Variants in LMX1A observed in about 807,000 individuals in gnomAD.
LMX1A encodes the protein LIM homeobox transcription factor 1-alpha.
In LMX1A, 15 loss-of-function variants were observed where a neutral mutation model predicts 49.1. The observed-to-expected ratio is 0.31, with a 90% CI of 0.20 to 0.47. The LOEUF is 0.47. LMX1A is among the 20% of genes least tolerant of loss of function. LMX1A has a pLI of 1.00. For missense variants in LMX1A, 372 were observed against 475.8 expected (o/e 0.78, Z 2.03); for synonymous variants, 167 against 185.7 (o/e 0.90, Z 0.82).
At chr1:165,343,973 T>C (rs1390874727) in intron 3 of LMX1A, among the ~76,000 whole-genome samples, 1 of 152,208 alleles carries the variant, frequency 6.6e-6, no homozygotes, top group African/African-American at 2.4e-5. Flanking sequence ...TTCTCCCAAT[T>C]TGACAGCTAG....
chr1:165,295,765 C>T (rs1654598115), intron 3 of LMX1A, among the ~76,000 whole-genome samples: 1 of 152,044 alleles, frequency 6.6e-6, no homozygotes, highest in Admixed American at 6.6e-5. Flanking sequence ...GAGGATTCCC[C>T]CAACTGGCAG....
At chr1:165,217,131 A>T (rs995962706) in intron 4 of LMX1A, among the ~76,000 whole-genome samples, 2 of 152,330 alleles carry the variant, frequency 1.3e-5, no homozygotes, top group Middle Eastern at 3.4e-3. Flanking sequence ...CTCTTTGCAG[A>T]TATGACCCTA....
intron 3 of LMX1A, among the ~76,000 whole-genome samples, chr1:165,284,459 G>A (rs1365711044): frequency 2.6e-5 from 4 of 152,166 alleles, no homozygotes; most frequent in African/African-American, 7.2e-5. Context: ...AACACTGAAC[G>A]CTCATTCTGG....
intron 3 of LMX1A, among the ~76,000 whole-genome samples, chr1:165,302,658 C>T (rs1237969029): frequency 6.6e-6 from 1 of 152,158 alleles, no homozygotes; most frequent in Non-Finnish European, 1.5e-5. Context: ...TTTTACTTCA[C>T]CTGGCCATAA....
chr1:165,284,212 C>G (rs1654237725), intron 3 of LMX1A, among the ~76,000 whole-genome samples: 1 of 152,176 alleles, frequency 6.6e-6, no homozygotes, highest in Non-Finnish European at 1.5e-5. Flanking sequence ...ACAGGGCTGT[C>G]TTGAGGAACA....
chr1:165,285,961 G>C (rs1231485039), intron 3 of LMX1A, among the ~76,000 whole-genome samples: 1 of 152,036 alleles, frequency 6.6e-6, no homozygotes, highest in African/African-American at 2.4e-5. Context: ...ATTTTGGCCA[G>C]TAAAGAAAAG....
At chr1:165,312,745 C>T (rs144582286) in intron 3 of LMX1A, among the ~76,000 whole-genome samples, 1 of 152,360 alleles carries the variant, frequency 6.6e-6, no homozygotes, top group African/African-American at 2.4e-5. Context: ...TCCTCCATCC[C>T]CAGCTGGTCC....
intron 3 of LMX1A, among the ~76,000 whole-genome samples, chr1:165,281,259 T>C (rs2101705978): frequency 6.6e-6 from 1 of 152,304 alleles, no homozygotes; most frequent in South Asian, 2.1e-4. Flanking sequence ...TTTCCAGGAC[T>C]ACTTAGTTCT....
chr1:165,235,841 G>T lies in LMX1A; in HGVS notation c.496+13567C>A, dbSNP rs4657418. 5.2e-3 allele frequency among the ~76,000 whole-genome samples: 797 copies of T among 152,186 alleles called. 12 individuals carry two copies. Among genetic ancestry groups the T allele is most frequent in the African/African-American group, 0.018 (766 of 41,522 alleles). On this transcript the variant is annotated intron_variant, in intron 4 of 8. Transcript: ENST00000342310. The stretch of plus-strand genomic sequence containing the variant: ...GAAGTGACGGCTTTGGAGATTATGG[G>T]GAACATATGGCCCTACCGCCGGGCT...
At chr1:165,299,356 T>C (rs1654709342) in intron 3 of LMX1A, among the ~76,000 whole-genome samples, 1 of 152,352 alleles carries the variant, frequency 6.6e-6, no homozygotes, top group African/African-American at 2.4e-5. Context: ...GATGGCTGTT[T>C]GGGGATCAGG....
At chr1:165,289,286 T>G (rs1222969004) in intron 3 of LMX1A, among the ~76,000 whole-genome samples, 1 of 151,848 alleles carries the variant, frequency 6.6e-6, no homozygotes, top group African/African-American at 2.4e-5. Flanking sequence ...TGCCTGGATA[T>G]TCACACAAGC....
intron 8 of LMX1A, 61 bp downstream of exon 8, chr1:165,205,803 G>A (rs1651049200): frequency 5.9e-6 from 9 of 1,520,780 alleles, no homozygotes. Flanking sequence ...GATGTGTTTA[G>A]GAGGGAATGA....
At chr1:165,298,092 G>A (rs1416673818) in intron 3 of LMX1A, among the ~76,000 whole-genome samples, 1 of 152,214 alleles carries the variant, frequency 6.6e-6, no homozygotes, top group Non-Finnish European at 1.5e-5. Flanking sequence ...TGAGATAAGA[G>A]TTGAAACCTA....
intron 3 of LMX1A, among the ~76,000 whole-genome samples, chr1:165,293,108 T>G (rs1304470863): frequency 6.8e-6 from 1 of 147,272 alleles, no homozygotes; most frequent in Non-Finnish European, 1.5e-5. Context: ...AGAGAGAGAC[T>G]CCATCTCAAA....
At chr1:165,317,102 A>C (rs1054921507) in intron 3 of LMX1A, among the ~76,000 whole-genome samples, 1 of 152,200 alleles carries the variant, frequency 6.6e-6, no homozygotes, top group East Asian at 1.9e-4. Context: ...CAGCATGTCC[A>C]TCATATACAG....
intron 3 of LMX1A, among the ~76,000 whole-genome samples, chr1:165,272,637 A>G (rs983098975): frequency 6.6e-6 from 1 of 152,182 alleles, no homozygotes; most frequent in Admixed American, 6.5e-5. Flanking sequence ...AAAGCATGGA[A>G]GGAAGAGGAT....
At chr1:165,206,509 C>T (rs1189741850) in intron 7 of LMX1A, among the ~76,000 whole-genome samples, 1 of 152,170 alleles carries the variant, frequency 6.6e-6, no homozygotes, top group Non-Finnish European at 1.5e-5. Context: ...GTTCTCTGAA[C>T]CTGGGAAGAA....
chr1:165,293,625 G>A (rs565360924), intron 3 of LMX1A, among the ~76,000 whole-genome samples: 10 of 152,342 alleles, frequency 6.6e-5, no homozygotes, highest in Admixed American at 3.3e-4. Context: ...GCAAAATGTC[G>A]TAGACCAGAC....
intron 3 of LMX1A, among the ~76,000 whole-genome samples, chr1:165,318,291 G>C (rs147965031): frequency 3.8e-3 from 576 of 152,220 alleles, no homozygotes; most frequent in African/African-American, 0.013. Context: ...AATGAAAATC[G>C]GAGTCCTTCC....
Sources: gnomAD v4.1 joint callset for allele counts (sites outside exome capture counted in the v4.1 genomes callset) on GRCh38, gnomAD v4.1.1 for gene constraint, MANE v1.5 for transcripts, NCBI Gene and HGNC (gene_info 2026-07-23, HGNC 2026-07-21) for gene names.